The following GIN1 variants were observed in gnomAD, a reference collection of about 807,000 sequenced individuals.
GIN1 encodes the protein gypsy retrotransposon integrase 1, also known as gypsy retrotransposon integrase-like protein 1.
A neutral mutation model predicts 51.4 loss-of-function variants in GIN1; 41 were observed. That is an observed-to-expected ratio of 0.80 (90% confidence interval 0.62 to 1.04). The LOEUF is 1.04. Among genes scored for constraint, GIN1 ranks in the 50% least tolerant of loss-of-function variants. GIN1 has a pLI of 0.00. For missense variants in GIN1, 610 were observed against 612.4 expected (o/e 1.00, Z 0.04); for synonymous variants, 222 against 206.5 (o/e 1.07, Z -0.64).
In GIN1 at chr5:103,090,466, A is replaced by C. The variant is rs1554194410; in HGVS notation, c.1295-2294T>G. 2.6e-5 allele frequency among the ~76,000 whole-genome samples: 4 copies of C among 152,224 alleles called. No homozygotes were observed. The South Asian group carries it at 8.3e-4, about 32-fold the overall frequency. ...GAGAGAAGGCTAGGCGGTAGTTTATAAGAGAACATTAAAAGGTTAGATAGG... is the reference window on the plus strand; with the variant it reads ...GAGAGAAGGCTAGGCGGTAGTTTATCAGAGAACATTAAAAGGTTAGATAGG... On this transcript the variant is annotated intron_variant, in intron 7 of 7. Transcript: ENST00000399004.
intron 3 of GIN1, among the ~76,000 whole-genome samples, chr5:103,105,971 C>T (rs1787712244): frequency 6.6e-6 from 1 of 152,146 alleles, no homozygotes; most frequent in Non-Finnish European, 1.5e-5. Context: ...GACCCACAAA[C>T]TGATAACTCA....
chr5:103,113,374 A>G (rs1004603927), intron 1 of GIN1, among the ~76,000 whole-genome samples: 2 of 152,086 alleles, frequency 1.3e-5, no homozygotes, highest in Admixed American at 1.3e-4. Flanking sequence ...CTGAGGGTTC[A>G]CTTTCTTATA....
At chr5:103,116,218 T>C (rs183706491) in intron 1 of GIN1, among the ~76,000 whole-genome samples, 131 of 152,246 alleles carry the variant, frequency 8.6e-4, no homozygotes, top group Non-Finnish European at 1.7e-3. Flanking sequence ...GAATTTCACA[T>C]TATTTGGTTT....
In GIN1 at chr5:103,108,566, T is replaced by C; in HGVS notation, c.139+3A>G. 5.1e-6 allele frequency: 8 copies of C among 1,583,556 alleles called. No individual in the cohort carries two copies. The highest frequency in any genetic ancestry group is 6.9e-6 in the Non-Finnish European group (8 of 1,157,096). Reference sequence around the variant, plus strand: ...ATAATCAAAATTTGAACATTAATTTTACCTTTGAAGACAAATTTTTTTGCT... The same window carrying C: ...ATAATCAAAATTTGAACATTAATTTCACCTTTGAAGACAAATTTTTTTGCT... On this transcript the variant is annotated splice_donor_region_variant and intron_variant, in intron 2 of 7. Coordinates refer to ENST00000399004, the MANE Select transcript of GIN1 (RefSeq NM_017676.2).
Position 103,087,024 on chromosome 5 carries a change from G to C in GIN1, c.*874C>G, listed in dbSNP as rs1216086091. On this transcript the variant is annotated 3_prime_UTR_variant, in exon 8 of 8. Coordinates refer to ENST00000399004, the MANE Select transcript of GIN1 (RefSeq NM_017676.2). ...GTCTTGCCCTGTCGCCCAGGCTGGA[G>C]AGCTGTGGCATGAGCGCGGCTCACT... 1.3e-5 allele frequency: 2 copies of C among 152,180 alleles called. No homozygotes were observed. Among genetic ancestry groups the C allele is most frequent in the Non-Finnish European group, 2.9e-5 (2 of 68,034 alleles). 9.4% of individuals were successfully genotyped at this position (152,180 alleles called of 1,614,324 possible). A position where few individuals can be genotyped will look rare whatever the true frequency, so the allele number is the denominator to read the frequency against.
chr5:103,116,716 T>C (rs1788041636), intron 1 of GIN1, among the ~76,000 whole-genome samples: 2 of 152,028 alleles, frequency 1.3e-5, no homozygotes, highest in African/African-American at 4.8e-5. Context: ...CTAGAATTTA[T>C]AAAGAACTCT....
At chr5:103,090,983 G>T (rs1787222833) in intron 7 of GIN1, among the ~76,000 whole-genome samples, 1 of 151,952 alleles carries the variant, frequency 6.6e-6, no homozygotes. Context: ...TAAAACTGTA[G>T]AGAACAAGGA....
Position 103,104,854 on chromosome 5 carries a change from A to G in GIN1, c.334-8T>C. On this transcript the variant is annotated splice_region_variant and splice_polypyrimidine_tract_variant and intron_variant, in intron 3 of 7. Transcript: ENST00000399004. ...ATGCTGACAAGCATATACCTACAAC[A>G]GGCACACAATAAAGAAAACACATAC... The G allele has an allele frequency of 6.5e-7, 1 of 1,536,354 alleles. No homozygotes were observed. Among genetic ancestry groups the G allele is most frequent in the Non-Finnish European group, 8.9e-7 (1 of 1,128,066 alleles).
At chr5:103,119,902 A>G (rs1019076463) in intron 1 of GIN1, among the ~76,000 whole-genome samples, 162 bp downstream of exon 1, 11 of 152,196 alleles carry the variant, frequency 7.2e-5, no homozygotes, top group African/African-American at 2.7e-4. Context: ...CGCAACGCCC[A>G]AGGCCCTCCT....
At chr5:103,119,421 T>C (rs1554198075) in intron 1 of GIN1, among the ~76,000 whole-genome samples, 1 of 152,180 alleles carries the variant, frequency 6.6e-6, no homozygotes, top group African/African-American at 2.4e-5. Context: ...TACAAATTCA[T>C]TGAACAAAAA....
At chr5:103,095,002 AG>A (rs1554194866) in intron 7 of GIN1, among the ~76,000 whole-genome samples, 1 of 152,256 alleles carries the variant, frequency 6.6e-6, no homozygotes. Context: ...GATTAGAAGC[AG>A]AGTTGAGCTA....
intron 3 of GIN1, among the ~76,000 whole-genome samples, chr5:103,105,778 A>G (rs28301): frequency 0.3 from 45,315 of 152,048 alleles, 6,910 homozygotes; most frequent in East Asian, 0.45. Flanking sequence ...CTTTTGATCA[A>G]AATTTTCACT....
rs1554196293 is a variant in GIN1, at chr5:103,106,697, C to T, written c.333+19G>A. ...TCAGAAAGACATTATTCATAATACTCTAAATACATAAGCCATACCCACTGT... is the reference window on the plus strand; with the variant it reads ...TCAGAAAGACATTATTCATAATACTTTAAATACATAAGCCATACCCACTGT... On this transcript the variant is annotated intron_variant, in intron 3 of 7. Coordinates refer to ENST00000399004, the MANE Select transcript of GIN1 (RefSeq NM_017676.2). 2 of 1,391,260 alleles carry T rather than the reference C, an allele frequency of 1.4e-6. No individual in the cohort carries two copies. The highest frequency in any genetic ancestry group is 2.4e-5 in the East Asian group (1 of 42,526). The allele number at this position is 1,391,260 out of a possible 1,614,324, so 86.2% of individuals were successfully genotyped here.
chr5:103,096,472 G>T (rs573856435), intron 7 of GIN1, 69 bp downstream of exon 7: 1 of 1,144,932 alleles, frequency 8.7e-7, no homozygotes. Flanking sequence ...GGGGAGAAAG[G>T]TTTCTGTTAT....
At chr5:103,102,226 T>C (rs1342879195) in intron 4 of GIN1, 2 of 152,222 alleles carry the variant, frequency 1.3e-5, no homozygotes, top group African/African-American at 4.8e-5. Flanking sequence ...ATTACAGATA[T>C]AATTTTAAAC....
At chr5:103,117,823 T>A (rs1294624568) in intron 1 of GIN1, among the ~76,000 whole-genome samples, 2 of 152,258 alleles carry the variant, frequency 1.3e-5, no homozygotes, top group East Asian at 3.9e-4. Context: ...GATTGTCCAA[T>A]TTACTCAAGG....
At chr5:103,094,633 T>C (rs975861750) in intron 7 of GIN1, among the ~76,000 whole-genome samples, 4 of 152,216 alleles carry the variant, frequency 2.6e-5, no homozygotes, top group Non-Finnish European at 4.4e-5. Flanking sequence ...TGATAGATCC[T>C]GGTTTAGCAA....
At chr5:103,098,722 G>T (rs1787479989) in intron 4 of GIN1, among the ~76,000 whole-genome samples, 1 of 152,130 alleles carries the variant, frequency 6.6e-6, no homozygotes, top group Admixed American at 6.6e-5. Flanking sequence ...GTCTTTCAAA[G>T]TTTTGAGATT....
chr5:103,108,026 C>A (rs1787774222), intron 2 of GIN1, among the ~76,000 whole-genome samples: 1 of 152,000 alleles, frequency 6.6e-6, no homozygotes, highest in Non-Finnish European at 1.5e-5. Context: ...ATTATCATGA[C>A]CTTCCAAGAT....
Sources: allele counts gnomAD v4.1 joint callset (sites outside exome capture counted in the v4.1 genomes callset), GRCh38; gene constraint gnomAD v4.1.1; transcripts MANE v1.5; gene names NCBI Gene and HGNC (gene_info 2026-07-23, HGNC 2026-07-21).